Variants in ABHD17C observed in about 807,000 individuals in gnomAD.
ABHD17C encodes the protein abhydrolase domain containing 17C, depalmitoylase.
A neutral mutation model predicts 27.9 loss-of-function variants in ABHD17C; 11 were observed. That is an observed-to-expected ratio of 0.39 (90% CI 0.25 to 0.65). ABHD17C has a LOEUF of 0.65. ABHD17C is among the 30% of genes least tolerant of loss of function. The probability of loss-of-function intolerance (pLI) is 0.45; values close to 1 mark genes in which losing one functional copy is unlikely to be tolerated. For synonymous variants in ABHD17C, 233 were observed against 209.1 expected (o/e 1.11, Z -0.98); for missense variants, 280 against 470.2 (o/e 0.60, Z 3.74).
intron 1 of ABHD17C, among the ~76,000 whole-genome samples, chr15:80,717,479 TGCTTCCCA>T (rs1403615255): frequency 6.6e-6 from 1 of 151,930 alleles, no homozygotes; most frequent in Non-Finnish European, 1.5e-5. Context: ...CTGCAACCTC[TGCTTCCCA>T]GTTTCAAGCG....
At chr15:80,745,691 C>T (rs1279721092) in intron 1 of ABHD17C, among the ~76,000 whole-genome samples, 1 of 152,148 alleles carries the variant, frequency 6.6e-6, no homozygotes, top group African/African-American at 2.4e-5. Context: ...TTAAGATTCA[C>T]TGGTGGTGAC....
intron 1 of ABHD17C, among the ~76,000 whole-genome samples, chr15:80,732,114 G>T (rs188332374): frequency 6.6e-6 from 1 of 152,228 alleles, no homozygotes; most frequent in East Asian, 1.9e-4. Context: ...AAAGGAGGGG[G>T]TGGTGATAAC....
intron 1 of ABHD17C, among the ~76,000 whole-genome samples, chr15:80,720,101 CCTTTT>C (rs1894872604): frequency 6.6e-6 from 1 of 152,204 alleles, no homozygotes; most frequent in African/African-American, 2.4e-5. Context: ...CAACCAGCCT[CCTTTT>C]CTTTTTGTTG....
At chr15:80,726,028 C>G (rs1357328323) in intron 1 of ABHD17C, among the ~76,000 whole-genome samples, 4 of 152,158 alleles carry the variant, frequency 2.6e-5, no homozygotes, top group Non-Finnish European at 5.9e-5. Context: ...TAACAGCAAA[C>G]CAGTCATTAG....
intron 1 of ABHD17C, among the ~76,000 whole-genome samples, chr15:80,744,228 A>G (rs1268655542): frequency 6.6e-6 from 1 of 152,238 alleles, no homozygotes; most frequent in African/African-American, 2.4e-5. Flanking sequence ...CCACTGAATC[A>G]GAATTAATAA....
rs545618598 is a variant in ABHD17C at position 80,703,828 on chromosome 15, TTCCAAGAC to T, written c.590+7810_590+7817del. On this transcript the variant is annotated intron_variant, in intron 1 of 2. Coordinates refer to ENST00000258884, the MANE Select transcript of ABHD17C (RefSeq NM_021214.2). Reference sequence around the variant, plus strand: ...CCCCCCTTACCTGGTGGGGGATACATTCCAAGACCCCCAGTGGATGCCTGAGCCTTGGA... The same window carrying T: ...CCCCCCTTACCTGGTGGGGGATACATCCCCAGTGGATGCCTGAGCCTTGGA... Among the ~76,000 whole-genome samples the T allele has an allele frequency of 7.2e-5, 11 of 152,336 alleles. No individual in the cohort carries two copies. In the East Asian group the frequency reaches 1.9e-3, roughly 27 times the overall value.
At chr15:80,716,797 A>G (rs1328567109) in intron 1 of ABHD17C, among the ~76,000 whole-genome samples, 1 of 152,180 alleles carries the variant, frequency 6.6e-6, no homozygotes, top group Non-Finnish European at 1.5e-5. Flanking sequence ...TTGCAGCCGG[A>G]ATGTTCCCAG....
intron 2 of ABHD17C, 132 bp downstream of exon 2, chr15:80,749,824 G>C: frequency 9.5e-7 from 1 of 1,056,792 alleles, no homozygotes; most frequent in Admixed American, 2.4e-5. Context: ...GTGCCACAGG[G>C]CATGTGGGAG....
At chr15:80,744,868 T>G (rs1255985806) in intron 1 of ABHD17C, among the ~76,000 whole-genome samples, 2 of 152,216 alleles carry the variant, frequency 1.3e-5, no homozygotes, top group African/African-American at 4.8e-5. Context: ...TGTAAGCTCC[T>G]TTTCATTGCT....
At chr15:80,710,610 C>A (rs1453500925) in intron 1 of ABHD17C, among the ~76,000 whole-genome samples, 1 of 152,126 alleles carries the variant, frequency 6.6e-6, no homozygotes, top group African/African-American at 2.4e-5. Context: ...AAAGGCGGAA[C>A]CAACAACAGT....
intron 1 of ABHD17C, among the ~76,000 whole-genome samples, chr15:80,725,278 G>A (rs11072937): frequency 0.3 from 45,948 of 152,056 alleles, 8,633 homozygotes; most frequent in East Asian, 0.62. Context: ...GCAGACCCTT[G>A]GAATGGAGAT....
rs563090998 is a variant in ABHD17C, at chr15:80,744,212, G to T, written c.591-5301G>T. On this transcript the variant is annotated intron_variant, in intron 1 of 2. Coordinates refer to ENST00000258884, the MANE Select transcript of ABHD17C (RefSeq NM_021214.2). ...AGTCAGTATTTAGTTTGAAGAATCC[G>T]CACACCCACTGAATCAGAATTAATA... Among the ~76,000 whole-genome samples the T allele has an allele frequency of 3.3e-5, 5 of 152,198 alleles. No homozygotes were observed. The East Asian group carries it at 5.8e-4, about 18-fold the overall frequency.
At chr15:80,741,914 G>C (rs1390904630) in intron 1 of ABHD17C, among the ~76,000 whole-genome samples, 1 of 152,212 alleles carries the variant, frequency 6.6e-6, no homozygotes, top group Non-Finnish European at 1.5e-5. Context: ...CAGCTACTAA[G>C]TGACTAATGG....
At chr15:80,720,415 C>T (rs1268068671) in intron 1 of ABHD17C, among the ~76,000 whole-genome samples, 1 of 152,108 alleles carries the variant, frequency 6.6e-6, no homozygotes. Context: ...CTAGAAACCA[C>T]TTGATGGATC....
intron 1 of ABHD17C, among the ~76,000 whole-genome samples, chr15:80,748,661 C>T (rs1327255418): frequency 3.3e-5 from 5 of 149,376 alleles, no homozygotes; most frequent in Non-Finnish European, 3.0e-5. Context: ...TGTATTTTCC[C>T]GGGTTCCTTC....
chr15:80,731,642 C>T (rs1472122670), intron 1 of ABHD17C, among the ~76,000 whole-genome samples: 3 of 146,510 alleles, frequency 2.0e-5, no homozygotes, highest in African/African-American at 7.4e-5. Context: ...ATTAGTGACA[C>T]GTATATTTTT....
intron 1 of ABHD17C, among the ~76,000 whole-genome samples, chr15:80,706,876 A>T (rs1365623622): frequency 3.3e-5 from 5 of 152,236 alleles, no homozygotes; most frequent in Non-Finnish European, 4.4e-5. Flanking sequence ...GTGATGTTTA[A>T]CTATCACTGT....
rs1306036681 is a variant in ABHD17C at position 80,754,401 on chromosome 15, G to A, written c.*31G>A. 1.9e-6 allele frequency: 3 copies of A among 1,568,802 alleles called. No individual in the cohort carries two copies. The highest frequency in any genetic ancestry group is 1.3e-5 in the African/African-American group (1 of 74,108). ...ACAACTTGATCTTACCTCATTTACTGTGAACAGAAGAGTCCTCTGTTTTGC... is the reference window on the plus strand; with the variant it reads ...ACAACTTGATCTTACCTCATTTACTATGAACAGAAGAGTCCTCTGTTTTGC... On this transcript the variant is annotated 3_prime_UTR_variant, in exon 3 of 3. Transcript: ENST00000258884.
intron 1 of ABHD17C, among the ~76,000 whole-genome samples, chr15:80,725,929 C>T (rs1235573196): frequency 6.6e-6 from 1 of 152,152 alleles, no homozygotes; most frequent in African/African-American, 2.4e-5. Context: ...GATACACACA[C>T]AGAAATATAG....
Sources: gnomAD v4.1 joint callset for allele counts (sites outside exome capture counted in the v4.1 genomes callset) on GRCh38, gnomAD v4.1.1 for gene constraint, MANE v1.5 for transcripts, NCBI Gene and HGNC (gene_info 2026-07-23, HGNC 2026-07-21) for gene names.